Variants in HLTF observed in about 807,000 individuals in gnomAD.
The protein encoded by HLTF is DNA-dependent ATPase/E3 ubiquitin-protein ligase HLTF.
HLTF carries 127 observed loss-of-function variants against 129.4 expected under a neutral mutation model. That is an observed-to-expected ratio of 0.98 (90% CI 0.85 to 1.14). HLTF has a LOEUF of 1.14. Among genes scored for constraint, HLTF ranks in the 50% most tolerant of loss-of-function variants. The pLI, the probability that HLTF is intolerant of heterozygous loss-of-function variation, is 0.00. For synonymous variants in HLTF, 332 were observed against 388.8 expected, an observed-to-expected ratio of 0.85 and a Z score of 1.72; for missense variants, 1,139 against 1,187.1, an observed-to-expected ratio of 0.96 and a Z score of 0.60.
intron 2 of HLTF, among the ~76,000 whole-genome samples, chr3:149,080,039 TA>T (rs879893040): frequency 0.014 from 2,069 of 145,998 alleles, 43 homozygotes; most frequent in African/African-American, 0.048. Flanking sequence ...AATAGTACAC[TA>T]AAAAAAAAAA....
intron 2 of HLTF, among the ~76,000 whole-genome samples, chr3:149,082,018 C>T (rs550589525): frequency 6.6e-6 from 1 of 152,222 alleles, no homozygotes; most frequent in East Asian, 1.9e-4. Context: ...AAAATGGATG[C>T]TTTTCTTCAA....
intron 13 of HLTF, among the ~76,000 whole-genome samples, chr3:149,056,557 T>TCCTTATCCA (rs1415928752): frequency 6.6e-6 from 1 of 152,216 alleles, no homozygotes; most frequent in South Asian, 2.1e-4. Context: ...CAGTAGTCCC[T>TCCTTATCCA]CCTTATCCAC....
chr3:149,075,738 A>T, intron 3 of HLTF, 143 bp downstream of exon 3: 2 of 469,080 alleles, frequency 4.3e-6, no homozygotes, highest in Non-Finnish European at 7.4e-6. Flanking sequence ...AAAAGGAGAA[A>T]TAAAACATTT....
At chr3:149,033,975 T>A (rs923433617) in intron 24 of HLTF, among the ~76,000 whole-genome samples, 2 of 152,140 alleles carry the variant, frequency 1.3e-5, no homozygotes, top group South Asian at 2.1e-4. Flanking sequence ...AACAAAAGAT[T>A]TCAAGTCAGA....
At position 149,046,150 on chromosome 3, in the gene HLTF, T is replaced by C. The variant is rs1460788931; in HGVS notation, c.2002A>G (p.Ile668Val). ...TTTCTCTCTTCATCTGAAAGTGTAA[T>C]GTGCTGAATAAATACTTTACGTTCT... ...LPERKVFIQH[I>V]TLSDEERKIY... Residue 668 changes from isoleucine to valine, a missense_variant, in exon 18 of 25, where the codon ATT becomes GTT. Physicochemically the swap from Ile to Val is conservative, Grantham distance 29 (BLOSUM62 3). Coordinates refer to ENST00000310053, the MANE Select transcript of HLTF (RefSeq NM_003071.4). 16 of 1,610,532 alleles carry C rather than the reference T, an allele frequency of 9.9e-6. No individual in the cohort carries two copies. Among genetic ancestry groups the C allele is most frequent in the Admixed American group, 1.7e-5 (1 of 59,674 alleles).
At chr3:149,045,480 C>A (rs1716466883) in intron 18 of HLTF, among the ~76,000 whole-genome samples, 1 of 152,146 alleles carries the variant, frequency 6.6e-6, no homozygotes, top group Admixed American at 6.5e-5. Context: ...ACACAGTGGG[C>A]ACTTAATAAA....
chr3:149,076,317 T>C (rs530480281), intron 2 of HLTF, among the ~76,000 whole-genome samples: 6 of 152,306 alleles, frequency 3.9e-5, no homozygotes, highest in Non-Finnish European at 8.8e-5. Flanking sequence ...ATTCAAATTA[T>C]CTAAAATTTT....
At chr3:149,066,676 A>T (rs1361966641) in intron 8 of HLTF, among the ~76,000 whole-genome samples, 1 of 152,192 alleles carries the variant, frequency 6.6e-6, no homozygotes, top group African/African-American at 2.4e-5. Context: ...AAATAAGAGA[A>T]ATCCTTATTG....
At chr3:149,053,331 C>T (rs1180107962) in intron 14 of HLTF, among the ~76,000 whole-genome samples, 1 of 152,160 alleles carries the variant, frequency 6.6e-6, no homozygotes, top group Non-Finnish European at 1.5e-5. Flanking sequence ...GTGCTATCCC[C>T]TTGGTGATGA....
chr3:149,076,412 T>C lies in HLTF; in HGVS notation c.229-365A>G, dbSNP rs77740858. Reference sequence around the variant, plus strand: ...ATTGGTCTAAGTACATTGCACAGACTGACTTTTTAAATCCTCACAGCTCTA... The same window carrying C: ...ATTGGTCTAAGTACATTGCACAGACCGACTTTTTAAATCCTCACAGCTCTA... On this transcript the variant is annotated intron_variant, in intron 2 of 24. Coordinates refer to ENST00000310053, the MANE Select transcript of HLTF (RefSeq NM_003071.4). Among the ~76,000 whole-genome samples, 1,302 of 152,318 alleles carry C rather than the reference T, an allele frequency of 8.5e-3. 19 individuals are homozygous for C. Among genetic ancestry groups the C allele is most frequent in the African/African-American group, 0.03 (1,231 of 41,566 alleles).
At chr3:149,063,298 G>A (rs937708350) in intron 10 of HLTF, 133 bp downstream of exon 10, 27 of 588,432 alleles carry the variant, frequency 4.6e-5, no homozygotes, top group Admixed American at 3.6e-4. Flanking sequence ...CTGACCTCAT[G>A]ATCCGCCCGC....
intron 15 of HLTF, among the ~76,000 whole-genome samples, 162 bp downstream of exon 15, chr3:149,050,070 G>A (rs1455279322): frequency 1.3e-5 from 2 of 148,240 alleles, no homozygotes; most frequent in African/African-American, 2.5e-5. Context: ...ACCCTTTCAC[G>A]CAAAAAGTCA....
chr3:149,039,110 A>C lies in HLTF; in HGVS notation c.2735T>G (p.Leu912Ter). 1 of 1,611,726 alleles carries C rather than the reference A, an allele frequency of 6.2e-7. No homozygotes were observed. The highest frequency in any genetic ancestry group is 8.5e-7 in the Non-Finnish European group (1 of 1,179,038). ...ATTCAAACCAACTCCACCTGCTTTTAAGGACAGAAGCATTATAGTTGGAGA... is the reference window on the plus strand; with the variant it reads ...ATTCAAACCAACTCCACCTGCTTTTCAGGACAGAAGCATTATAGTTGGAGA... The part of the protein sequence containing the change: ...AGSPTIMLLS[L>*]KAGGVGLNLS... The change falls in exon 23 of 25, where the codon TTA (leucine) becomes TGA (stop). Residue 912 changes from leucine to a stop codon, truncating the protein, a stop_gained. Transcript: ENST00000310053. LOFTEE classifies it high-confidence loss of function.
At chr3:149,036,297 G>GTTTTTTGTTTTTTTTTTT (rs372645862) in intron 23 of HLTF, among the ~76,000 whole-genome samples, 1 of 107,986 alleles carries the variant, frequency 9.3e-6, no homozygotes, top group Non-Finnish European at 1.8e-5. Context: ...AAACTATGAG[G>GTTTTTTGTTTTTTTTTTT]TTTTTTTTTT....
intron 8 of HLTF, among the ~76,000 whole-genome samples, 190 bp from the exon 9 acceptor site, chr3:149,065,056 C>T (rs979517001): frequency 2.7e-5 from 4 of 150,486 alleles, no homozygotes; most frequent in African/African-American, 7.3e-5. Flanking sequence ...AATTTTTTCA[C>T]GGGTTATCTC....
intron 2 of HLTF, among the ~76,000 whole-genome samples, chr3:149,077,720 G>A (rs1363088735): frequency 6.6e-6 from 1 of 151,674 alleles, no homozygotes; most frequent in Non-Finnish European, 1.5e-5. Flanking sequence ...AAAGACCTGA[G>A]AAGGCCCTAA....
Position 149,050,363 on chromosome 3 carries a change from G to C in HLTF, c.1486C>G (p.Gln496Glu). 6.4e-7 allele frequency: 1 copy of C among 1,565,812 alleles called. No homozygotes were observed. The highest frequency in any genetic ancestry group is 8.7e-7 in the Non-Finnish European group (1 of 1,153,324). The change falls in exon 15 of 25, where the codon CAA (glutamine) becomes GAA (glutamate). Residue 496 changes from glutamine to glutamate, a missense_variant. Gln to Glu is a conservative substitution (Grantham distance 29). Coordinates refer to ENST00000310053, the MANE Select transcript of HLTF (RefSeq NM_003071.4). Reference protein sequence around the residue: ...VLSNWIDQFGQHIKSDVHLNF... With the variant: ...VLSNWIDQFGEHIKSDVHLNF... ...AAGTGTACATCTGATTTTATATGTT[G>C]TCCAAACTGGTCCTAAAGAAAAATT...
In HLTF at chr3:149,059,740, T is replaced by C. The variant is rs1214419167; in HGVS notation, c.1353A>G (p.Thr451=). 1.3e-6 allele frequency: 2 copies of C among 1,596,914 alleles called. No homozygotes were observed. The highest frequency in any genetic ancestry group is 2.3e-5 in the East Asian group (1 of 44,358). ...GACCCTTTTTCAACATTTTCTTTTT[T>C]GTTGTAGGAACAGATGAAGTTAATG... is the stretch of plus-strand genomic sequence containing the variant. ...ACALTSSVPT[T]KKKMLKKGAC... Residue 451 remains threonine, a synonymous_variant, in exon 13 of 25, where the codon ACA becomes ACG. Transcript: ENST00000310053.
At position 149,073,216 on chromosome 3, in the gene HLTF, G is replaced by A; in HGVS notation, c.627+9C>T. ...CACTTTTAGATTACAAAATAAAAGA[G>A]AAGCACACCTGTTCAGTTGTCATCT... is the stretch of plus-strand genomic sequence containing the variant. On this transcript the variant is annotated intron_variant, in intron 5 of 24. Transcript: ENST00000310053. 1.3e-6 allele frequency: 2 copies of A among 1,550,880 alleles called. No homozygotes were observed. The highest frequency in any genetic ancestry group is 1.4e-5 in the African/African-American group (1 of 72,614).
Sources: allele counts gnomAD v4.1 joint callset (sites outside exome capture counted in the v4.1 genomes callset), GRCh38; gene constraint gnomAD v4.1.1; transcripts MANE v1.5; gene names NCBI Gene and HGNC (gene_info 2026-07-23, HGNC 2026-07-21).